The following POFUT1 variants were observed in gnomAD, a reference collection of about 807,000 sequenced individuals.
The protein encoded by POFUT1 is GDP-fucose protein O-fucosyltransferase 1.
Under a neutral mutation model 42.4 loss-of-function variants are expected in POFUT1, and 16 were observed. The observed-to-expected ratio is 0.38, with a 90% confidence interval of 0.26 to 0.57. The LOEUF is 0.57. Among genes scored for constraint, POFUT1 ranks in the 20% least tolerant of loss-of-function variants. The probability of loss-of-function intolerance (pLI) is 0.71; values close to 1 mark genes in which losing one functional copy is unlikely to be tolerated. For synonymous variants in POFUT1, 206 were observed against 205.4 expected, an observed-to-expected ratio of 1.00 and a Z score of -0.03; for missense variants, 470 against 504.6, an observed-to-expected ratio of 0.93 and a Z score of 0.66.
chr20:32,209,953 C>A, intron 1 of POFUT1, 118 bp from the exon 2 acceptor site: 1 of 1,088,686 alleles, frequency 9.2e-7, no homozygotes. Context: ...GCCAGCTCCC[C>A]TAGTTCTCCT....
In POFUT1 at chr20:32,215,250, GCTC is replaced by G; in HGVS notation, c.247-13_247-11del. 1.3e-6 allele frequency: 2 copies of G among 1,597,456 alleles called. 1 individual carries two copies. ...ACGGGGGCACTGAGACGGGACCTCT[GCTC>G]CTCCTTTTCCTGTAGCTCCATGTGT... On this transcript the variant is annotated splice_polypyrimidine_tract_variant and intron_variant, in intron 2 of 6. Transcript: ENST00000375749.
intron 5 of POFUT1, 109 bp from the exon 6 acceptor site, chr20:32,230,710 A>AAG: frequency 7.9e-7 from 1 of 1,262,478 alleles, no homozygotes; most frequent in Admixed American, 2.2e-5. Flanking sequence ...AAAAAAAAAA[A>AAG]TGTAGTTAGG....
At chr20:32,215,246 C>T (rs555750741) in intron 2 of POFUT1, 23 bp from the exon 3 acceptor site, 19 of 1,593,450 alleles carry the variant, frequency 1.2e-5, no homozygotes, top group African/African-American at 5.4e-5. Context: ...GAGACGGGAC[C>T]TCTGCTCCTC....
rs2047361966 is a variant in POFUT1, at chr20:32,216,629, A to G, written c.450A>G (p.Pro150=). ...CPMKEGNPFG[P]FWDQFHVSFN... ...TGCAGGAAGGAAACCCCTTTGGCCC[A>G]TTCTGGGATCAGTTTCATGTGAGTT... is the stretch of plus-strand genomic sequence containing the variant. The change falls in exon 4 of 7, where the codon CCA becomes CCG. Residue 150 remains proline, a synonymous_variant. Transcript: ENST00000375749. 5.6e-6 allele frequency: 9 copies of G among 1,613,282 alleles called. 1 individual carries two copies. In the East Asian group the frequency reaches 1.3e-4, roughly 24 times the overall value.
At chr20:32,228,537 T>A in intron 5 of POFUT1, 82 bp downstream of exon 5, 1 of 1,211,054 alleles carries the variant, frequency 8.3e-7, no homozygotes. Flanking sequence ...CGGCCCCGCG[T>A]CCCAGCCAGA....
chr20:32,212,964 A>G (rs955414877), intron 2 of POFUT1, among the ~76,000 whole-genome samples: 4 of 151,574 alleles, frequency 2.6e-5, no homozygotes, highest in East Asian at 2.0e-4. Context: ...GGCTCACCAC[A>G]ACCTCCACCT....
chr20:32,230,537 A>G (rs997773012), intron 5 of POFUT1, among the ~76,000 whole-genome samples: 1 of 150,558 alleles, frequency 6.6e-6, no homozygotes, highest in Non-Finnish European at 1.5e-5. Context: ...TCTACTAAAA[A>G]TACAAAAAGT....
Position 32,216,597 on chromosome 20 carries a change from CT to C in POFUT1, c.430-11del. 2 of 1,559,070 alleles carry C rather than the reference CT, an allele frequency of 1.3e-6. No homozygotes were observed. Among genetic ancestry groups the C allele is most frequent in the Non-Finnish European group, 1.8e-6 (2 of 1,129,886 alleles). ...CCCCATCAGTAAGCCTTCCACCACT[CT>C]CTTTCTGCAGGAAGGAAACCCCTTT... On this transcript the variant is annotated splice_polypyrimidine_tract_variant and intron_variant, in intron 3 of 6. Transcript: ENST00000375749.
intron 3 of POFUT1, among the ~76,000 whole-genome samples, chr20:32,215,922 T>C (rs778928962): frequency 5.4e-4 from 83 of 152,302 alleles, no homozygotes; most frequent in Admixed American, 1.2e-3. Flanking sequence ...GGTCAGTGTC[T>C]TACCCAGGAT....
intron 4 of POFUT1, among the ~76,000 whole-genome samples, chr20:32,219,711 A>G (rs2047381431): frequency 6.6e-6 from 1 of 151,572 alleles, no homozygotes; most frequent in African/African-American, 2.4e-5. Context: ...GTTAGCCAGG[A>G]TGGTCTCGAT....
intron 2 of POFUT1, among the ~76,000 whole-genome samples, chr20:32,211,205 A>C (rs2047326133): frequency 6.6e-6 from 1 of 152,030 alleles, no homozygotes. Flanking sequence ...GAATCAACTG[A>C]GCTTATCAAC....
chr20:32,225,393 T>C (rs1453039798), intron 4 of POFUT1, among the ~76,000 whole-genome samples: 1 of 152,104 alleles, frequency 6.6e-6, no homozygotes, highest in Non-Finnish European at 1.5e-5. Context: ...TTCGCCGTGT[T>C]AGCCAGGATG....
rs2047484550 is a variant in POFUT1, at chr20:32,238,468, A to T, written c.*3807A>T. 1 of 152,178 alleles carries T rather than the reference A, an allele frequency of 6.6e-6. No individual in the cohort carries two copies. The highest frequency in any genetic ancestry group is 1.5e-5 in the Non-Finnish European group (1 of 68,038). 9.4% of individuals were successfully genotyped at this position (152,178 alleles called of 1,614,324 possible). ...TATTTGAAAAAATATTTTTATTTGT[A>T]AGAGTTTTTCTTTATTTAAAATGTT... is the stretch of plus-strand genomic sequence containing the variant. On this transcript the variant is annotated 3_prime_UTR_variant, in exon 7 of 7. Transcript: ENST00000375749.
rs964910866 is a variant in POFUT1, at chr20:32,238,097, A to G, written c.*3436A>G. On this transcript the variant is annotated 3_prime_UTR_variant, in exon 7 of 7. Transcript: ENST00000375749. ...GTGTTCCATAGTTTATTGTTTTCCT[A>G]TTATGAGAATTTAGGCCAAGTGTGG... is the stretch of plus-strand genomic sequence containing the variant. The G allele has an allele frequency of 2.0e-5, 6 of 304,058 alleles. No individual in the cohort carries two copies. Among genetic ancestry groups the G allele is most frequent in the Admixed American group, 4.0e-5 (1 of 25,018 alleles). 18.8% of individuals were successfully genotyped at this position (304,058 alleles called of 1,614,324 possible).
At chr20:32,208,565 C>G (rs539317197) in intron 1 of POFUT1, among the ~76,000 whole-genome samples, 1 of 150,498 alleles carries the variant, frequency 6.6e-6, no homozygotes, top group African/African-American at 2.4e-5. Context: ...TTCTGTAATC[C>G]CACCACTTTG....
In POFUT1 at chr20:32,235,605, C is replaced by T. The variant is rs2047466016; in HGVS notation, c.*944C>T. On this transcript the variant is annotated 3_prime_UTR_variant, in exon 7 of 7. Transcript: ENST00000375749. The stretch of plus-strand genomic sequence containing the variant: ...AACGTTTGCCAAGGCTCTGACCTCA[C>T]AGAAGATGCCCAGGGCCCAGAAGCC... The T allele has an allele frequency of 6.6e-6, 1 of 152,306 alleles. No individual in the cohort carries two copies. The highest frequency in any genetic ancestry group is 2.1e-4 in the South Asian group (1 of 4,834). The allele number at this position is 152,306 out of a possible 1,614,324, so 9.4% of individuals were successfully genotyped here. A position where few individuals can be genotyped will look rare whatever the true frequency, so the allele number is the denominator to read the frequency against.
intron 4 of POFUT1, among the ~76,000 whole-genome samples, chr20:32,221,307 A>C (rs1476751349): frequency 6.6e-6 from 1 of 152,200 alleles, no homozygotes. Flanking sequence ...AGCTCTTCCC[A>C]GCCTTACTGT....
intron 5 of POFUT1, among the ~76,000 whole-genome samples, chr20:32,230,125 T>C (rs2047434668): frequency 6.6e-6 from 1 of 151,350 alleles, no homozygotes; most frequent in Non-Finnish European, 1.5e-5. Context: ...TGGTGGCTCA[T>C]GCCTGTAATC....
At chr20:32,228,518 T>C in intron 5 of POFUT1, 63 bp downstream of exon 5, 1 of 1,450,590 alleles carries the variant, frequency 6.9e-7, no homozygotes, top group Non-Finnish European at 9.5e-7. Context: ...GGCCCTGGCC[T>C]GTAGGGATCG....
Sources: allele counts gnomAD v4.1 joint callset (sites outside exome capture counted in the v4.1 genomes callset), GRCh38; gene constraint gnomAD v4.1.1; transcripts MANE v1.5; gene names NCBI Gene and HGNC (gene_info 2026-07-23, HGNC 2026-07-21).